Variants in NLGN2 observed in about 807,000 individuals in gnomAD.
NLGN2 encodes the protein neuroligin 2.
In NLGN2, 11 loss-of-function variants were observed where a neutral mutation model predicts 48.6. The observed-to-expected ratio is 0.23, with a 90% CI of 0.14 to 0.37. The LOEUF (loss-of-function observed/expected upper bound fraction) is 0.37, where lower values mean the gene tolerates loss of function less well. Ranked by LOEUF, NLGN2 falls within the 10% of genes least tolerant of loss-of-function variation. The pLI, the probability that NLGN2 is intolerant of heterozygous loss-of-function variation, is 1.00. For synonymous variants in NLGN2, 548 were observed against 550.0 expected (o/e 1.00, Z 0.05); for missense variants, 801 against 1,225.2 (o/e 0.65, Z 5.17).
At position 7,411,202 on chromosome 17, in the gene NLGN2, G is replaced by A. The variant is rs1037628581; in HGVS notation, c.458-955G>A. Reference sequence around the variant, plus strand: ...ACTGTGTTCCTCGTTCCCTATCTGTGGACTGAACCACCCGCTCGGCCGTTG... The same window carrying A: ...ACTGTGTTCCTCGTTCCCTATCTGTAGACTGAACCACCCGCTCGGCCGTTG... On this transcript the variant is annotated intron_variant, in intron 1 of 6. Coordinates refer to ENST00000302926, the MANE Select transcript of NLGN2 (RefSeq NM_020795.4). This position sits in a 1 kb window ranked among gnomAD's most constrained non-coding sequence, Gnocchi z 4.5. Among the ~76,000 whole-genome samples, 1 of 152,200 alleles carries A rather than the reference G, an allele frequency of 6.6e-6. No individual in the cohort carries two copies. The highest frequency in any genetic ancestry group is 2.4e-5 in the African/African-American group (1 of 41,458).
At position 7,417,050 on chromosome 17, in the gene NLGN2, C is replaced by G; in HGVS notation, c.1759C>G (p.Pro587Ala). ...GCAGTATCTGCACATAGGCCTGAAG[C>G]CACGCGTGCGTGACAACTACCGCGC... ...EKQYLHIGLK[P>A]RVRDNYRANK... The change falls in exon 7 of 7, where the codon CCA (proline) becomes GCA (alanine). Residue 587 changes from proline to alanine, a missense_variant. Physicochemically the swap from Pro to Ala is conservative, Grantham distance 27. Coordinates refer to ENST00000302926, the MANE Select transcript of NLGN2 (RefSeq NM_020795.4). 6.2e-7 allele frequency: 1 copy of G among 1,614,102 alleles called. No individual in the cohort carries two copies. Among genetic ancestry groups the G allele is most frequent in the Non-Finnish European group, 8.5e-7 (1 of 1,180,034 alleles).
Position 7,415,778 on chromosome 17 carries a change from C to T in NLGN2, c.1305C>T (p.Tyr435=), listed in dbSNP as rs1231469396. The T allele has an allele frequency of 1.9e-6, 3 of 1,614,230 alleles. No individual in the cohort carries two copies. Among genetic ancestry groups the T allele is most frequent in the Non-Finnish European group, 1.7e-6 (2 of 1,180,046 alleles). Residue 435 remains tyrosine, a synonymous_variant, in exon 6 of 7, where the codon TAC becomes TAT. Coordinates refer to ENST00000302926, the MANE Select transcript of NLGN2 (RefSeq NM_020795.4). Reference sequence around the variant, plus strand: ...TTCGGGAGACCATCAAGTTTATGTACACAGACTGGGCCGACCGGGACAATG... The same window carrying T: ...TTCGGGAGACCATCAAGTTTATGTATACAGACTGGGCCGACCGGGACAATG... ...DVLRETIKFM[Y]TDWADRDNGE...
Position 7,417,020 on chromosome 17 carries a change from G to C in NLGN2, c.1729G>C (p.Glu577Gln). 6.2e-7 allele frequency: 1 copy of C among 1,614,208 alleles called. No homozygotes were observed. Among genetic ancestry groups the C allele is most frequent in the South Asian group, 1.1e-5 (1 of 91,084 alleles). The change falls in exon 7 of 7, where the codon GAG becomes CAG. Residue 577 changes from glutamate (E) to glutamine (Q), a missense_variant. Coordinates refer to ENST00000302926, the MANE Select transcript of NLGN2 (RefSeq NM_020795.4). Reference sequence around the variant, plus strand: ...GGTGTGGAGCAAATTCAACAGCAAGGAGAAGCAGTATCTGCACATAGGCCT... The same window carrying C: ...GGTGTGGAGCAAATTCAACAGCAAGCAGAAGCAGTATCTGCACATAGGCCT... ...EVVWSKFNSKEKQYLHIGLKP... is the reference protein window; with the variant it reads ...EVVWSKFNSKQKQYLHIGLKP...
In NLGN2 at chr17:7,408,129, T is replaced by A; in HGVS notation, c.-127T>A. ...TAACCCAGGTCCCTCCCCAACCCCC[T>A]CCTCCCTCCTTTCCCCCCGCCCCTC... On this transcript the variant is annotated 5_prime_UTR_variant, in exon 1 of 7. Coordinates refer to ENST00000302926, the MANE Select transcript of NLGN2 (RefSeq NM_020795.4). This position sits in a 1 kb window ranked among gnomAD's most constrained non-coding sequence, Gnocchi z 7.5. 13 of 324,098 alleles carry A rather than the reference T, an allele frequency of 4.0e-5. No individual in the cohort carries two copies. Among genetic ancestry groups the A allele is most frequent in the Admixed American group, 5.9e-5 (1 of 16,824 alleles). 20.1% of individuals were successfully genotyped at this position (324,098 alleles called of 1,614,324 possible). A position where few individuals can be genotyped will look rare whatever the true frequency, so the allele number is the denominator to read the frequency against.
Position 7,416,192 on chromosome 17 carries a change from T to G in NLGN2, c.1634+85T>G, listed in dbSNP as rs576008891. On this transcript the variant is annotated intron_variant, in intron 6 of 6. Coordinates refer to ENST00000302926, the MANE Select transcript of NLGN2 (RefSeq NM_020795.4). ...CGTTCCTCTGTTAAGGCACTCACTC[T>G]GGCCTGCCCTCTTGCTCGAGTGAAA... is the stretch of plus-strand genomic sequence containing the variant. 133 of 1,120,912 alleles carry G rather than the reference T, an allele frequency of 1.2e-4. No homozygotes were observed. In the African/African-American group the frequency reaches 1.7e-3, roughly 15 times the overall value. 69.4% of individuals were successfully genotyped at this position (1,120,912 alleles called of 1,614,324 possible).
Position 7,408,014 on chromosome 17 carries a change from C to A in NLGN2, c.-242C>A. 1 of 354,720 alleles carries A rather than the reference C, an allele frequency of 2.8e-6. No individual in the cohort carries two copies. Among genetic ancestry groups the A allele is most frequent in the Non-Finnish European group, 5.0e-6 (1 of 198,608 alleles). The allele number at this position is 354,720 out of a possible 1,614,324, so 22.0% of individuals were successfully genotyped here. A position where few individuals can be genotyped will look rare whatever the true frequency, so the allele number is the denominator to read the frequency against. On this transcript the variant is annotated 5_prime_UTR_variant, in exon 1 of 7. Coordinates refer to ENST00000302926, the MANE Select transcript of NLGN2 (RefSeq NM_020795.4). This position sits in a 1 kb window ranked among gnomAD's most constrained non-coding sequence, Gnocchi z 7.5. The stretch of plus-strand genomic sequence containing the variant: ...CCCTCTCGCTCCACCCCCCGCAGGT[C>A]GGGCCTGCCTTCACCTTCTCCCATT...
chr17:7,410,824 G>GCA (rs138952410), intron 1 of NLGN2, among the ~76,000 whole-genome samples: 7,013 of 152,170 alleles, frequency 0.046, 537 homozygotes, highest in African/African-American at 0.16. Flanking sequence ...GCGCGCGCGC[G>GCA]CACACACACA....
At position 7,417,372 on chromosome 17, in the gene NLGN2, T is replaced by C; in HGVS notation, c.2081T>C (p.Phe694Ser). 6.2e-7 allele frequency: 1 copy of C among 1,611,270 alleles called. No homozygotes were observed. Among genetic ancestry groups the C allele is most frequent in the Non-Finnish European group, 8.5e-7 (1 of 1,179,060 alleles). The change falls in exon 7 of 7, where the codon TTT (phenylalanine) becomes TCT (serine). Residue 694 changes from phenylalanine to serine, a missense_variant. Transcript: ENST00000302926. ...CTCCTCTTCCTCAACATCCTGGCCT[T>C]TGCTGCCCTCTACTACAAGCGGGAC... ...ASLLFLNILA[F>S]AALYYKRDRR...
intron 6 of NLGN2, among the ~76,000 whole-genome samples, chr17:7,416,622 C>T (rs987245875): frequency 6.6e-6 from 1 of 152,152 alleles, no homozygotes; most frequent in African/African-American, 2.4e-5. Flanking sequence ...GTCTGTGTTT[C>T]ATTCAGGCTC....
Position 7,408,017 on chromosome 17 carries a change from G to A in NLGN2, c.-239G>A, listed in dbSNP as rs1339803311. ...TCTCGCTCCACCCCCCGCAGGTCGGGCCTGCCTTCACCTTCTCCCATTTCC... is the reference window on the plus strand; with the variant it reads ...TCTCGCTCCACCCCCCGCAGGTCGGACCTGCCTTCACCTTCTCCCATTTCC... On this transcript the variant is annotated 5_prime_UTR_variant, in exon 1 of 7. Coordinates refer to ENST00000302926, the MANE Select transcript of NLGN2 (RefSeq NM_020795.4). This position sits in a 1 kb window ranked among gnomAD's most constrained non-coding sequence, Gnocchi z 7.5. The A allele has an allele frequency of 5.6e-6, 2 of 358,646 alleles. No individual in the cohort carries two copies. Among genetic ancestry groups the A allele is most frequent in the Non-Finnish European group, 9.9e-6 (2 of 201,208 alleles). The allele number at this position is 358,646 out of a possible 1,614,324, so 22.2% of individuals were successfully genotyped here. A position where few individuals can be genotyped will look rare whatever the true frequency, so the allele number is the denominator to read the frequency against.
rs527371952 is a variant in NLGN2 at position 7,414,197 on chromosome 17, G to T, written c.509-147G>T. On this transcript the variant is annotated intron_variant, in intron 2 of 6. Transcript: ENST00000302926. ...GCTGGGGAGGGAGGAGGGGAATCCGGTCTTGCCCCCCAGGGATGGGAGTGA... is the reference window on the plus strand; with the variant it reads ...GCTGGGGAGGGAGGAGGGGAATCCGTTCTTGCCCCCCAGGGATGGGAGTGA... The T allele has an allele frequency of 2.2e-4, 157 of 703,462 alleles. 1 individual carries two copies. The South Asian group carries it at 2.7e-3, about 12-fold the overall frequency. The allele number at this position is 703,462 out of a possible 1,614,324, so 43.6% of individuals were successfully genotyped here.
At chr17:7,412,274 A>G in intron 2 of NLGN2, 67 bp downstream of exon 2, 2 of 1,215,704 alleles carry the variant, frequency 1.6e-6, no homozygotes, top group Non-Finnish European at 2.4e-6. Flanking sequence ...CCTGCCCCTC[A>G]CTAAATGTCC....
rs771088254 is a variant in NLGN2, at chr17:7,414,530, T to C, written c.658+37T>C. On this transcript the variant is annotated intron_variant, in intron 3 of 6. Coordinates refer to ENST00000302926, the MANE Select transcript of NLGN2 (RefSeq NM_020795.4). ...CAGCCAACTCTGGGGCTCGGGGGAG[T>C]CTGGGAGGTGGGCCTGGTGGGCAGG... The C allele has an allele frequency of 2.5e-6, 4 of 1,610,828 alleles. No homozygotes were observed. The African/African-American group carries it at 4.0e-5, about 16-fold the overall frequency.
chr17:7,408,162 C>G lies in NLGN2; in HGVS notation c.-94C>G. ...CCTTTCCCCCCGCCCCTCCTCCCTCCTGGGGCGAGGGGGGCCTCCCTCCCT... is the reference window on the plus strand; with the variant it reads ...CCTTTCCCCCCGCCCCTCCTCCCTCGTGGGGCGAGGGGGGCCTCCCTCCCT... On this transcript the variant is annotated 5_prime_UTR_variant, in exon 1 of 7. Coordinates refer to ENST00000302926, the MANE Select transcript of NLGN2 (RefSeq NM_020795.4). This position sits in a 1 kb window ranked among gnomAD's most constrained non-coding sequence, Gnocchi z 7.5. The G allele has an allele frequency of 1.6e-6, 1 of 630,342 alleles. No individual in the cohort carries two copies. Among genetic ancestry groups the G allele is most frequent in the Non-Finnish European group, 2.4e-6 (1 of 419,460 alleles). The allele number at this position is 630,342 out of a possible 1,614,324, so 39.0% of individuals were successfully genotyped here.
chr17:7,404,884 G>T (rs1355138422), upstream of NLGN2: 1 of 152,042 alleles, frequency 6.6e-6, no homozygotes, highest in African/African-American at 2.4e-5. Context: ...GACGCGCGGG[G>T]CTGCTGCGGC....
At chr17:7,414,524 G>C (rs1442264172) in intron 3 of NLGN2, 31 bp downstream of exon 3, 1 of 1,612,026 alleles carries the variant, frequency 6.2e-7, no homozygotes. Flanking sequence ...CTGGGGCTCG[G>C]GGGAGTCTGG....
rs114004409 is a variant in NLGN2 at position 7,408,988 on chromosome 17, C to T, written c.457+276C>T. ...TGGCAGGCACTGGACTAGGCTCACC[C>T]ACTGTCTCCCCAAAGAGGCACAGTC... On this transcript the variant is annotated intron_variant, in intron 1 of 6. Transcript: ENST00000302926. The surrounding 1 kb of genome is among the most constrained non-coding windows in gnomAD (Gnocchi z 7.5). Among the ~76,000 whole-genome samples, 3,141 of 152,262 alleles carry T rather than the reference C, an allele frequency of 0.021. 106 individuals are homozygous for T. The highest frequency in any genetic ancestry group is 0.071 in the African/African-American group (2,960 of 41,526).
In NLGN2 at chr17:7,413,264, T is replaced by C. The variant is rs1196828725; in HGVS notation, c.508+1057T>C. ...AAGCTGTCTGTGAGGTCAAGGAGAA[T>C]GTCTTAGTGACCTGCAGGTTGACCT... is the stretch of plus-strand genomic sequence containing the variant. On this transcript the variant is annotated intron_variant, in intron 2 of 6. Coordinates refer to ENST00000302926, the MANE Select transcript of NLGN2 (RefSeq NM_020795.4). This position sits in a 1 kb window ranked among gnomAD's most constrained non-coding sequence, Gnocchi z 4.9. 6.6e-6 allele frequency among the ~76,000 whole-genome samples: 1 copy of C among 152,190 alleles called. No individual in the cohort carries two copies. Among genetic ancestry groups the C allele is most frequent in the East Asian group, 1.9e-4 (1 of 5,192 alleles).
At chr17:7,409,536 A>C in intron 1 of NLGN2, among the ~76,000 whole-genome samples, 1 of 152,046 alleles carries the variant, frequency 6.6e-6, no homozygotes, top group East Asian at 1.9e-4. Flanking sequence ...CCATCTCAGC[A>C]GACCAGCCTC....
Sources: gnomAD v4.1 joint callset for allele counts (sites outside exome capture counted in the v4.1 genomes callset) on GRCh38, gnomAD v4.1.1 for gene constraint, Gnocchi (gnomAD v3.1) non-coding constraint, MANE v1.5 for transcripts, NCBI Gene and HGNC (gene_info 2026-07-23, HGNC 2026-07-21) for gene names.